The following ARMC8 variants were observed in gnomAD, a reference collection of about 807,000 sequenced individuals.
ARMC8 encodes the protein armadillo repeat-containing protein 8.
In ARMC8, 20 loss-of-function variants were observed where a neutral mutation model predicts 99.3. The observed-to-expected ratio is 0.20, with a 90% confidence interval of 0.14 to 0.29. The LOEUF (loss-of-function observed/expected upper bound fraction) is 0.29. Among genes scored for constraint, ARMC8 ranks in the 10% least tolerant of loss-of-function variants. The pLI is 1.00. For synonymous variants in ARMC8, 263 were observed against 278.3 expected (o/e 0.95, Z 0.55); for missense variants, 569 against 809.5 (o/e 0.70, Z 3.60).
intron 2 of ARMC8, among the ~76,000 whole-genome samples, chr3:138,218,710 C>T (rs1470568125): frequency 1.3e-5 from 2 of 152,118 alleles, no homozygotes; most frequent in African/African-American, 4.8e-5. Context: ...ATTGTGAACT[C>T]CTCAGACCAG....
chr3:138,249,469 A>T (rs2047028793), intron 12 of ARMC8, among the ~76,000 whole-genome samples: 1 of 151,876 alleles, frequency 6.6e-6, no homozygotes, highest in African/African-American at 2.4e-5. Flanking sequence ...TTATTTCTTA[A>T]TTAGAAAATA....
intron 5 of ARMC8, 23 bp from the exon 6 acceptor site, chr3:138,228,895 G>A: frequency 6.6e-7 from 1 of 1,507,152 alleles, no homozygotes; most frequent in East Asian, 2.3e-5. Flanking sequence ...TGAGTTTCTT[G>A]TTGCTGTGTT....
chr3:138,187,775 C>A, intron 1 of ARMC8, 176 bp downstream of exon 1: 2 of 657,892 alleles, frequency 3.0e-6, no homozygotes, highest in South Asian at 2.1e-5. Context: ...CAGAGGGGAC[C>A]GCGGCCGAGC....
At chr3:138,225,774 T>G (rs2045662740) in intron 5 of ARMC8, among the ~76,000 whole-genome samples, 1 of 152,188 alleles carries the variant, frequency 6.6e-6, no homozygotes, top group African/African-American at 2.4e-5. Flanking sequence ...TCAGAGATCT[T>G]ATCCAGAATC....
intron 12 of ARMC8, among the ~76,000 whole-genome samples, chr3:138,258,611 T>G (rs571441033): frequency 2.7e-4 from 41 of 152,304 alleles, no homozygotes; most frequent in African/African-American, 9.6e-4. Context: ...GTCATAAAAG[T>G]CTTGTCCCGA....
chr3:138,275,563 A>C (rs750575258), intron 18 of ARMC8, among the ~76,000 whole-genome samples: 8 of 152,162 alleles, frequency 5.3e-5, no homozygotes, highest in Non-Finnish European at 1.2e-4. Context: ...TGTCTCAAAA[A>C]AAAAAAAATT....
intron 18 of ARMC8, among the ~76,000 whole-genome samples, chr3:138,280,525 G>A (rs1257532598): frequency 5.1e-5 from 7 of 137,226 alleles, no homozygotes; most frequent in South Asian, 4.7e-4. Context: ...ACAGTCTCTC[G>A]CTCTGTCGCC....
Position 138,237,591 on chromosome 3 carries a change from T to A in ARMC8, c.776+19T>A. 6.2e-7 allele frequency: 1 copy of A among 1,600,618 alleles called. No individual in the cohort carries two copies. Among genetic ancestry groups the A allele is most frequent in the Non-Finnish European group, 8.5e-7 (1 of 1,170,486 alleles). On this transcript the variant is annotated intron_variant, in intron 9 of 21. Transcript: ENST00000469044. The stretch of plus-strand genomic sequence containing the variant: ...CAAAATGGTAAAAGTCAGGACAATG[T>A]GGGAAGAAAGACAGTGCTTTATCAA...
intron 12 of ARMC8, among the ~76,000 whole-genome samples, chr3:138,254,746 C>T (rs1044406698): frequency 2.0e-5 from 3 of 152,186 alleles, no homozygotes; most frequent in South Asian, 2.1e-4. Context: ...AAGGAAAAGT[C>T]GACTCAAGAG....
rs1320413142 is a variant in ARMC8 at position 138,195,245 on chromosome 3, T to C, written c.45+7646T>C. On this transcript the variant is annotated intron_variant, in intron 1 of 21. Coordinates refer to ENST00000469044, the MANE Select transcript of ARMC8 (RefSeq NM_001363941.2). ...GTGAGCCGAGATTGCGCCACTGCAGTCCGCAGTCCGGCCTGGGCGACAGAG... is the reference window on the plus strand; with the variant it reads ...GTGAGCCGAGATTGCGCCACTGCAGCCCGCAGTCCGGCCTGGGCGACAGAG... Among the ~76,000 whole-genome samples the C allele has an allele frequency of 3.5e-5, 5 of 144,920 alleles. No individual in the cohort carries two copies. The East Asian group carries it at 1.0e-3, about 29-fold the overall frequency.
chr3:138,288,980 C>T (rs1267690328), intron 19 of ARMC8, 68 bp from the exon 20 acceptor site: 3 of 1,320,326 alleles, frequency 2.3e-6, no homozygotes, highest in Admixed American at 2.0e-5. Flanking sequence ...ATGGTAGGTC[C>T]CCCCAAAAAA....
chr3:138,264,875 T>C (rs1475537904), intron 14 of ARMC8, among the ~76,000 whole-genome samples: 1 of 151,834 alleles, frequency 6.6e-6, no homozygotes, highest in African/African-American at 2.4e-5. Flanking sequence ...GTGTTGTTCT[T>C]AGTCTCGGCA....
chr3:138,225,000 T>C (rs2045606829), intron 5 of ARMC8, among the ~76,000 whole-genome samples: 1 of 152,142 alleles, frequency 6.6e-6, no homozygotes, highest in South Asian at 2.1e-4. Context: ...CAGAGTAGGC[T>C]TTGCAGAGAA....
chr3:138,264,577 G>A lies in ARMC8; in HGVS notation c.1299+365G>A, dbSNP rs533173680. 7.2e-5 allele frequency among the ~76,000 whole-genome samples: 11 copies of A among 151,810 alleles called. No homozygotes were observed. In the East Asian group the frequency reaches 1.9e-3, roughly 27 times the overall value. On this transcript the variant is annotated intron_variant, in intron 14 of 21. Transcript: ENST00000469044. ...TAGGACTACAGGTGCGCACCACCACGCCTGGCTAATTTTTGTATTTTTAGT... is the reference window on the plus strand; with the variant it reads ...TAGGACTACAGGTGCGCACCACCACACCTGGCTAATTTTTGTATTTTTAGT...
chr3:138,194,560 G>T lies in ARMC8; in HGVS notation c.45+6961G>T, dbSNP rs541870507. Among the ~76,000 whole-genome samples the T allele has an allele frequency of 4.0e-5, 6 of 150,832 alleles. No homozygotes were observed. The South Asian group carries it at 1.3e-3, about 32-fold the overall frequency. On this transcript the variant is annotated intron_variant, in intron 1 of 21. Coordinates refer to ENST00000469044, the MANE Select transcript of ARMC8 (RefSeq NM_001363941.2). ...TCACTGTGTTAGCCAGGATGGTCTC[G>T]ATCTCCTGACCTCGTGATCTGCCCA...
chr3:138,269,959 C>T, intron 15 of ARMC8, 81 bp from the exon 16 acceptor site: 1 of 840,942 alleles, frequency 1.2e-6, no homozygotes, highest in South Asian at 1.9e-5. Flanking sequence ...GAAGAAATCA[C>T]AAAGTGCCAA....
At chr3:138,240,935 A>C (rs1417014872) in intron 10 of ARMC8, among the ~76,000 whole-genome samples, 1 of 152,220 alleles carries the variant, frequency 6.6e-6, no homozygotes, top group Non-Finnish European at 1.5e-5. Flanking sequence ...CTGTAATTCC[A>C]GCTACTCAGA....
chr3:138,206,658 A>G (rs530779347), intron 1 of ARMC8, among the ~76,000 whole-genome samples: 1 of 152,110 alleles, frequency 6.6e-6, no homozygotes, highest in East Asian at 1.9e-4. Flanking sequence ...TTCTCTCCCT[A>G]CCTCTTATAT....
intron 12 of ARMC8, chr3:138,245,774 C>T: frequency 2.0e-6 from 2 of 986,578 alleles, no homozygotes; most frequent in Non-Finnish European, 2.4e-6. Context: ...AAAGCCTAGT[C>T]TAACACTGAA....
Sources: allele counts gnomAD v4.1 joint callset (sites outside exome capture counted in the v4.1 genomes callset), GRCh38; gene constraint gnomAD v4.1.1; transcripts MANE v1.5; gene names NCBI Gene and HGNC (gene_info 2026-07-23, HGNC 2026-07-21).